The following SYNPR variants were observed in gnomAD, a reference collection of about 807,000 sequenced individuals.
The protein encoded by SYNPR is synaptoporin.
A neutral mutation model predicts 32.9 loss-of-function variants in SYNPR; 23 were observed. The observed-to-expected ratio is 0.70, with a 90% CI of 0.50 to 0.99. The LOEUF is 0.99. Ranked by LOEUF, SYNPR falls within the 50% of genes least tolerant of loss-of-function variation. The pLI, the probability that SYNPR is intolerant of heterozygous loss-of-function variation, is 0.00. For missense variants in SYNPR, 318 were observed against 349.3 expected, an observed-to-expected ratio of 0.91 and a Z score of 0.71; for synonymous variants, 146 against 135.9, an observed-to-expected ratio of 1.07 and a Z score of -0.52.
intron 2 of SYNPR, among the ~76,000 whole-genome samples, chr3:63,386,468 G>C (rs1158905936): frequency 6.6e-6 from 1 of 152,188 alleles, no homozygotes; most frequent in Non-Finnish European, 1.5e-5. Flanking sequence ...GAATTGTTCA[G>C]ATGGCATTCT....
intron 2 of SYNPR, among the ~76,000 whole-genome samples, chr3:63,391,995 C>G (rs1229941293): frequency 1.3e-5 from 2 of 152,202 alleles, no homozygotes; most frequent in Non-Finnish European, 2.9e-5. Context: ...TCTTCTCAGA[C>G]ATGAGCAGTG....
At chr3:63,248,504 T>A (rs1016409942) in intron 1 of SYNPR, among the ~76,000 whole-genome samples, 1 of 151,978 alleles carries the variant, frequency 6.6e-6, no homozygotes, top group Admixed American at 6.6e-5. Context: ...ACAGAGAAGG[T>A]TGAAAGAGTG....
chr3:63,426,195 A>C (rs1699890447), intron 2 of SYNPR, among the ~76,000 whole-genome samples: 1 of 152,144 alleles, frequency 6.6e-6, no homozygotes, highest in African/African-American at 2.4e-5. Context: ...AAGCTGAGTG[A>C]TTTTCCAAGG....
At chr3:63,461,447 A>G (rs1232902948) in intron 2 of SYNPR, among the ~76,000 whole-genome samples, 1 of 152,110 alleles carries the variant, frequency 6.6e-6, no homozygotes, top group Non-Finnish European at 1.5e-5. Context: ...CAAGTCTGAC[A>G]TCTTCTTACA....
intron 2 of SYNPR, among the ~76,000 whole-genome samples, chr3:63,369,512 G>A (rs963568334): frequency 2.0e-5 from 3 of 152,184 alleles, no homozygotes; most frequent in Non-Finnish European, 4.4e-5. Flanking sequence ...CATAAGCTAT[G>A]TGATATTTCT....
intron 2 of SYNPR, among the ~76,000 whole-genome samples, chr3:63,424,623 C>G (rs900406030): frequency 3.9e-5 from 6 of 152,084 alleles, no homozygotes; most frequent in African/African-American, 1.4e-4. Context: ...ACCATAGTAT[C>G]TTTAAACCTT....
In SYNPR at chr3:63,335,399, G is replaced by A. The variant is rs17068265; in HGVS notation, c.84+56657G>A. Among the ~76,000 whole-genome samples the A allele has an allele frequency of 5.0e-3, 755 of 151,688 alleles. 50 individuals are homozygous for A. The East Asian group carries it at 0.12, about 25-fold the overall frequency. On this transcript the variant is annotated intron_variant, in intron 2 of 5. Coordinates refer to ENST00000478300, the MANE Select transcript of SYNPR (RefSeq NM_001130003.2). ...ATGGCAAAAACTGCAAGTACTTTTG[G>A]GCCAATAATATAAGTGTTGGGTTTG...
At chr3:63,302,802 T>C (rs1376472524) in intron 2 of SYNPR, among the ~76,000 whole-genome samples, 1 of 151,990 alleles carries the variant, frequency 6.6e-6, no homozygotes, top group African/African-American at 2.4e-5. Context: ...TATACAAATA[T>C]ATGGTTTGAT....
intron 3 of SYNPR, among the ~76,000 whole-genome samples, chr3:63,546,117 CT>C (rs2106812809): frequency 6.6e-6 from 1 of 152,174 alleles, no homozygotes; most frequent in Non-Finnish European, 1.5e-5. Context: ...AGATAACGAC[CT>C]CAATATCTAT....
chr3:63,574,575 G>T (rs1159517285), intron 4 of SYNPR, among the ~76,000 whole-genome samples: 2 of 152,064 alleles, frequency 1.3e-5, no homozygotes, highest in Non-Finnish European at 2.9e-5. Flanking sequence ...TGAATTATCT[G>T]GTCCAAAATG....
chr3:63,375,557 A>G (rs747728326), intron 2 of SYNPR, among the ~76,000 whole-genome samples: 19 of 151,904 alleles, frequency 1.3e-4, no homozygotes, highest in Non-Finnish European at 2.4e-4. Flanking sequence ...AACATCACAC[A>G]CTGGGGCCTG....
intron 2 of SYNPR, among the ~76,000 whole-genome samples, chr3:63,457,120 T>C (rs887602949): frequency 6.6e-6 from 1 of 152,064 alleles, no homozygotes; most frequent in African/African-American, 2.4e-5. Context: ...CTTTTGTAGC[T>C]TGCCTTGAAG....
At chr3:63,451,486 C>A (rs1700379177) in intron 2 of SYNPR, among the ~76,000 whole-genome samples, 1 of 152,154 alleles carries the variant, frequency 6.6e-6, no homozygotes, top group African/African-American at 2.4e-5. Flanking sequence ...TAAAGCCATT[C>A]CCTATGATTA....
At chr3:63,478,605 A>C (rs189660494) in intron 2 of SYNPR, among the ~76,000 whole-genome samples, 7 of 152,276 alleles carry the variant, frequency 4.6e-5, no homozygotes, top group Admixed American at 3.3e-4. Flanking sequence ...TGCCTATCAC[A>C]CACTTATGAC....
chr3:63,487,792 C>T (rs1236051223), intron 3 of SYNPR, among the ~76,000 whole-genome samples: 2 of 152,210 alleles, frequency 1.3e-5, no homozygotes, highest in Admixed American at 1.3e-4. Flanking sequence ...GTGGCACTAG[C>T]ATAATCCTTG....
At chr3:63,567,513 G>T (rs1437464028) in intron 4 of SYNPR, among the ~76,000 whole-genome samples, 1 of 152,066 alleles carries the variant, frequency 6.6e-6, no homozygotes, top group Admixed American at 6.6e-5. Flanking sequence ...TCCAGAACAA[G>T]CACACACTCA....
At chr3:63,441,767 A>AC (rs1337836877) in intron 2 of SYNPR, among the ~76,000 whole-genome samples, 4 of 152,148 alleles carry the variant, frequency 2.6e-5, no homozygotes, top group African/African-American at 9.6e-5. Context: ...ATTGGTAAGC[A>AC]CCCCAAAAGC....
chr3:63,402,552 A>C lies in SYNPR; in HGVS notation c.85-78280A>C, dbSNP rs571400903. On this transcript the variant is annotated intron_variant, in intron 2 of 5. Coordinates refer to ENST00000478300, the MANE Select transcript of SYNPR (RefSeq NM_001130003.2). ...TGACCCCTCTGTATGACAAAAACTT[A>C]AGAGGAAAAAAGGCCAGCCTATTTG... 7.2e-5 allele frequency among the ~76,000 whole-genome samples: 11 copies of C among 152,260 alleles called. No homozygotes were observed. In the South Asian group the frequency reaches 1.7e-3, roughly 23 times the overall value.
intron 2 of SYNPR, among the ~76,000 whole-genome samples, chr3:63,405,429 G>C (rs1292460872): frequency 6.6e-6 from 1 of 152,110 alleles, no homozygotes; most frequent in African/African-American, 2.4e-5. Flanking sequence ...AGAAGGCTCT[G>C]TGCTTTCCAC....
Sources: gnomAD v4.1 joint callset for allele counts (sites outside exome capture counted in the v4.1 genomes callset) on GRCh38, gnomAD v4.1.1 for gene constraint, MANE v1.5 for transcripts, NCBI Gene and HGNC (gene_info 2026-07-23, HGNC 2026-07-21) for gene names.